The following ZCCHC7 variants were observed in gnomAD, a reference collection of about 807,000 sequenced individuals.
ZCCHC7 encodes the protein zinc finger CCHC-type containing 7.
A neutral mutation model predicts 52.0 loss-of-function variants in ZCCHC7; 35 were observed. The ratio of observed to expected loss-of-function variants is 0.67; its 90% CI spans 0.51 to 0.89. The LOEUF (loss-of-function observed/expected upper bound fraction) is 0.89. Ranked by LOEUF, ZCCHC7 falls within the 40% of genes least tolerant of loss-of-function variation. The pLI is 0.00. For synonymous variants in ZCCHC7, 217 were observed against 221.5 expected, an observed-to-expected ratio of 0.98 and a Z score of 0.18; for missense variants, 574 against 649.1, an observed-to-expected ratio of 0.88 and a Z score of 1.26.
chr9:37,204,677 G>A (rs1676923219), intron 2 of ZCCHC7, among the ~76,000 whole-genome samples: 1 of 152,042 alleles, frequency 6.6e-6, no homozygotes, highest in South Asian at 2.1e-4. Context: ...TGTCTGTTTT[G>A]GTACCAGTAC....
At chr9:37,166,865 T>C (rs1821451218) in intron 2 of ZCCHC7, among the ~76,000 whole-genome samples, 1 of 152,240 alleles carries the variant, frequency 6.6e-6, no homozygotes, top group African/African-American at 2.4e-5. Context: ...TCCAGAGATC[T>C]TTCTGTGGTT....
chr9:37,188,140 T>A (rs538437706), intron 2 of ZCCHC7, among the ~76,000 whole-genome samples: 3 of 152,172 alleles, frequency 2.0e-5, no homozygotes, highest in African/African-American at 7.2e-5. Context: ...TTGAGGTTTT[T>A]TATTTTTATT....
chr9:37,324,847 A>T (rs1254885503), intron 5 of ZCCHC7, among the ~76,000 whole-genome samples: 1 of 152,158 alleles, frequency 6.6e-6, no homozygotes, highest in African/African-American at 2.4e-5. Flanking sequence ...TTGTTGTGGA[A>T]ATATGAGAAC....
intron 2 of ZCCHC7, among the ~76,000 whole-genome samples, chr9:37,243,278 A>G (rs1825951081): frequency 6.6e-6 from 1 of 151,834 alleles, no homozygotes; most frequent in Non-Finnish European, 1.5e-5. Flanking sequence ...AACATTATGA[A>G]AACAGATTTT....
chr9:37,215,353 T>TA (rs1824448911), intron 2 of ZCCHC7, among the ~76,000 whole-genome samples: 1 of 152,154 alleles, frequency 6.6e-6, no homozygotes, highest in Admixed American at 6.5e-5. Flanking sequence ...GAAGGCTAAT[T>TA]ACCTCAAGAT....
chr9:37,280,609 CA>C (rs34669154), intron 2 of ZCCHC7, among the ~76,000 whole-genome samples: 80,155 of 146,200 alleles, frequency 0.55, 21,720 homozygotes, highest in African/African-American at 0.61. Context: ...AAATCTATAG[CA>C]AAAAAAAAAA....
intron 2 of ZCCHC7, among the ~76,000 whole-genome samples, chr9:37,182,046 T>C (rs1361588967): frequency 6.6e-6 from 1 of 152,184 alleles, no homozygotes; most frequent in Non-Finnish European, 1.5e-5. Flanking sequence ...AGTTGAAATA[T>C]ATAAATTGTT....
chr9:37,322,661 A>G (rs994126367), intron 5 of ZCCHC7, among the ~76,000 whole-genome samples: 1 of 149,960 alleles, frequency 6.7e-6, no homozygotes, highest in Non-Finnish European at 1.5e-5. Context: ...TACATTGCAC[A>G]TACTAGATGC....
chr9:37,242,294 G>C (rs543336517), intron 2 of ZCCHC7, among the ~76,000 whole-genome samples: 50 of 151,868 alleles, frequency 3.3e-4, no homozygotes, highest in African/African-American at 9.9e-4. Context: ...GCCAAATGAT[G>C]TTCAAAGGAA....
At chr9:37,234,804 C>G (rs554145263) in intron 2 of ZCCHC7, among the ~76,000 whole-genome samples, 1 of 152,218 alleles carries the variant, frequency 6.6e-6, no homozygotes, top group Non-Finnish European at 1.5e-5. Flanking sequence ...TTTGTCCTTT[C>G]AGCTTTTCAT....
At chr9:37,230,672 T>C (rs1248065132) in intron 2 of ZCCHC7, among the ~76,000 whole-genome samples, 1 of 152,190 alleles carries the variant, frequency 6.6e-6, no homozygotes, top group Non-Finnish European at 1.5e-5. Flanking sequence ...AGAATAGGAA[T>C]TTTTGTTTCT....
chr9:37,321,186 C>T (rs1261095221), intron 5 of ZCCHC7, among the ~76,000 whole-genome samples: 2 of 151,816 alleles, frequency 1.3e-5, no homozygotes, highest in Non-Finnish European at 2.9e-5. Flanking sequence ...TATGGGGTTT[C>T]ATCGTGTTAG....
chr9:37,273,756 A>G (rs1258588328), intron 2 of ZCCHC7, among the ~76,000 whole-genome samples: 3 of 152,164 alleles, frequency 2.0e-5, no homozygotes, highest in African/African-American at 7.2e-5. Flanking sequence ...CACAGTTTCA[A>G]ATGTTTATTG....
intron 2 of ZCCHC7, chr9:37,205,302 C>T (rs1823845014): frequency 5.2e-6 from 1 of 193,858 alleles, no homozygotes; most frequent in Non-Finnish European, 1.1e-5. Flanking sequence ...TGCAGTATCA[C>T]CTTTCTTGTA....
chr9:37,161,890 A>G (rs1821128005), intron 2 of ZCCHC7, among the ~76,000 whole-genome samples: 1 of 152,194 alleles, frequency 6.6e-6, no homozygotes, highest in Non-Finnish European at 1.5e-5. Context: ...CATTAAATCC[A>G]TGACAGGAGG....
At chr9:37,289,696 G>A (rs1370072333) in intron 2 of ZCCHC7, among the ~76,000 whole-genome samples, 4 of 151,952 alleles carry the variant, frequency 2.6e-5, no homozygotes, top group South Asian at 2.1e-4. Context: ...TTACTCTTAC[G>A]AGTTTTTGTT....
chr9:37,257,868 A>G (rs1298536383), intron 2 of ZCCHC7, among the ~76,000 whole-genome samples: 3 of 152,160 alleles, frequency 2.0e-5, no homozygotes, highest in Non-Finnish European at 4.4e-5. Context: ...CTTCTTTTGT[A>G]TATAGCCTGC....
chr9:37,267,207 T>C (rs943785176), intron 2 of ZCCHC7, among the ~76,000 whole-genome samples: 11 of 152,326 alleles, frequency 7.2e-5, no homozygotes, highest in Non-Finnish European at 1.2e-4. Flanking sequence ...CCTGTTTTGA[T>C]CCTTAGAGAC....
In ZCCHC7 at chr9:37,308,148, T is replaced by C. The variant is rs73646364; in HGVS notation, c.951+2434T>C. Among the ~76,000 whole-genome samples the C allele has an allele frequency of 5.2e-3, 794 of 152,332 alleles. 4 individuals are homozygous for C. Among genetic ancestry groups the C allele is most frequent in the African/African-American group, 0.018 (748 of 41,592 alleles). On this transcript the variant is annotated intron_variant, in intron 5 of 8. Coordinates refer to ENST00000336755, the MANE Select transcript of ZCCHC7 (RefSeq NM_032226.3). The stretch of plus-strand genomic sequence containing the variant: ...GTATATGGTTAATTAATTTGAATAC[T>C]CTATTCTCAAGGCTATATAGATAGA...
Sources: allele counts gnomAD v4.1 joint callset (sites outside exome capture counted in the v4.1 genomes callset), GRCh38; gene constraint gnomAD v4.1.1; transcripts MANE v1.5; gene names NCBI Gene and HGNC (gene_info 2026-07-23, HGNC 2026-07-21).